GABRG3: variants seen among roughly 807,000 people sequenced by gnomAD.
The protein encoded by GABRG3 is gamma-aminobutyric acid type A receptor subunit gamma3, also known as gamma-aminobutyric acid receptor subunit gamma-3.
A neutral mutation model predicts 48.8 loss-of-function variants in GABRG3; 25 were observed. The ratio of observed to expected loss-of-function variants is 0.51; its 90% CI spans 0.37 to 0.72. GABRG3 has a LOEUF of 0.72. GABRG3 is among the 30% of genes least tolerant of loss of function. The pLI is 0.00. For synonymous variants in GABRG3, 227 were observed against 217.6 expected (o/e 1.04, Z -0.38); for missense variants, 394 against 577.9 (o/e 0.68, Z 3.26).
At chr15:27,021,656 C>T (rs973557294) in intron 2 of GABRG3, among the ~76,000 whole-genome samples, 7 of 152,104 alleles carry the variant, frequency 4.6e-5, no homozygotes, top group African/African-American at 1.7e-4. Flanking sequence ...GCCTGGGCAA[C>T]ATAGCGAGAC....
intron 3 of GABRG3, among the ~76,000 whole-genome samples, chr15:27,054,394 G>A (rs911592990): frequency 1.3e-5 from 2 of 152,074 alleles, no homozygotes; most frequent in South Asian, 4.1e-4. Context: ...AAACCTGCAC[G>A]TGTACCCCCT....
rs138160641 is a variant in GABRG3 at position 27,179,773 on chromosome 15, A to G, written c.271-147036A>G. Among the ~76,000 whole-genome samples the G allele has an allele frequency of 4.6e-5, 7 of 152,316 alleles. No homozygotes were observed. In the East Asian group the frequency reaches 1.4e-3, roughly 29 times the overall value. Reference sequence around the variant, plus strand: ...GAATGCTGTGGGAAAGATGGAAGCCAAAGATGCACCGGGTCTTTGGAAAAG... The same window carrying G: ...GAATGCTGTGGGAAAGATGGAAGCCGAAGATGCACCGGGTCTTTGGAAAAG... On this transcript the variant is annotated intron_variant, in intron 3 of 9. Transcript: ENST00000615808. This position sits in a 1 kb window ranked among gnomAD's most constrained non-coding sequence, Gnocchi z 4.0.
At chr15:27,354,733 A>G (rs913951436) in intron 5 of GABRG3, among the ~76,000 whole-genome samples, 2 of 152,210 alleles carry the variant, frequency 1.3e-5, no homozygotes, top group African/African-American at 2.4e-5. Flanking sequence ...ATGTGAGTGG[A>G]TATCTCACAT....
intron 3 of GABRG3, among the ~76,000 whole-genome samples, chr15:27,089,618 G>C (rs868724705): frequency 6.6e-6 from 1 of 152,204 alleles, no homozygotes; most frequent in African/African-American, 2.4e-5. Context: ...GGGTAGGCGG[G>C]GGAGAGAGGC....
intron 3 of GABRG3, among the ~76,000 whole-genome samples, chr15:27,189,507 A>T (rs570943835): frequency 1.3e-5 from 2 of 151,448 alleles, no homozygotes; most frequent in Admixed American, 6.6e-5. Context: ...ATGGGAGTTC[A>T]CTCATGATTT....
chr15:27,269,477 G>T (rs745502531), intron 3 of GABRG3, among the ~76,000 whole-genome samples: 4 of 152,066 alleles, frequency 2.6e-5, no homozygotes, highest in Non-Finnish European at 4.4e-5. Flanking sequence ...TCAAGCATCA[G>T]CTCAAAGTTG....
At chr15:27,210,863 G>A (rs1041668163) in intron 3 of GABRG3, among the ~76,000 whole-genome samples, 1 of 152,118 alleles carries the variant, frequency 6.6e-6, no homozygotes, top group Non-Finnish European at 1.5e-5. Flanking sequence ...TAGACCAGAA[G>A]GCCTGTTTCC....
chr15:27,506,853 G>T (rs778151438), intron 6 of GABRG3, among the ~76,000 whole-genome samples: 6 of 149,944 alleles, frequency 4.0e-5, no homozygotes, highest in South Asian at 2.1e-4. Flanking sequence ...CATTTCTCTG[G>T]TTTTTTTTCA....
In GABRG3 at chr15:27,307,003, C is replaced by CATATATAAT; in HGVS notation, c.271-19804_271-19803insATATAATAT. On this transcript the variant is annotated intron_variant, in intron 3 of 9. Coordinates refer to ENST00000615808, the MANE Select transcript of GABRG3 (RefSeq NM_033223.5). ...TAATATAAACATGTTTATATATAAA[C>CATATATAAT]ATGTATAAACATGTTTATATATAAA... Among the ~76,000 whole-genome samples the CATATATAAT allele has an allele frequency of 2.8e-5, 3 of 105,700 alleles. 1 individual carries two copies. The Admixed American group carries it at 3.0e-4, about 10-fold the overall frequency. The allele number at this position is 105,700 out of a possible 152,430, so 69.3% of individuals were successfully genotyped here.
At chr15:27,389,058 G>C in intron 5 of GABRG3, among the ~76,000 whole-genome samples, 1 of 152,188 alleles carries the variant, frequency 6.6e-6, no homozygotes, top group Non-Finnish European at 1.5e-5. Flanking sequence ...GAACAGAGCA[G>C]TCCCACAAAT....
At chr15:27,062,118 G>C (rs1896657241) in intron 3 of GABRG3, among the ~76,000 whole-genome samples, 1 of 152,134 alleles carries the variant, frequency 6.6e-6, no homozygotes, top group Non-Finnish European at 1.5e-5. Context: ...TGTCCCATGA[G>C]AGTGCCTGTG....
intron 2 of GABRG3, among the ~76,000 whole-genome samples, chr15:26,998,682 C>T (rs1895385835): frequency 6.6e-6 from 1 of 152,086 alleles, no homozygotes; most frequent in Non-Finnish European, 1.5e-5. Flanking sequence ...GGTGACCATC[C>T]CCTTCTAGAG....
At chr15:27,188,641 G>A (rs1300788942) in intron 3 of GABRG3, among the ~76,000 whole-genome samples, 1 of 151,738 alleles carries the variant, frequency 6.6e-6, no homozygotes, top group African/African-American at 2.4e-5. Flanking sequence ...TTTGTCAGAT[G>A]AGTAGGTTGT....
chr15:27,372,281 G>GT (rs1428713904), intron 5 of GABRG3, among the ~76,000 whole-genome samples: 1 of 152,062 alleles, frequency 6.6e-6, no homozygotes, highest in Non-Finnish European at 1.5e-5. Context: ...TTTTGCGTCT[G>GT]TTTTATCAGT....
At chr15:26,997,999 A>G (rs975467352) in intron 2 of GABRG3, among the ~76,000 whole-genome samples, 4 of 152,172 alleles carry the variant, frequency 2.6e-5, no homozygotes, top group Non-Finnish European at 4.4e-5. Flanking sequence ...GAGATTTACA[A>G]TCTTTATTGA....
chr15:27,062,838 ATAAAG>A (rs1423059675), intron 3 of GABRG3, among the ~76,000 whole-genome samples: 1 of 152,224 alleles, frequency 6.6e-6, no homozygotes, highest in Admixed American at 6.5e-5. Flanking sequence ...TGTTTAAAAG[ATAAAG>A]TAAATCCTAA....
intron 3 of GABRG3, among the ~76,000 whole-genome samples, chr15:27,152,795 G>A (rs1898341353): frequency 6.6e-6 from 1 of 151,944 alleles, no homozygotes; most frequent in Non-Finnish European, 1.5e-5. Flanking sequence ...GACACCAGTG[G>A]AGCATCCTAC....
intron 3 of GABRG3, among the ~76,000 whole-genome samples, chr15:27,244,354 A>G (rs1369070484): frequency 6.6e-6 from 1 of 152,186 alleles, no homozygotes; most frequent in Non-Finnish European, 1.5e-5. Context: ...AAGAAGGGGT[A>G]AAAAGGCAAC....
chr15:27,250,583 T>C (rs1282291521), intron 3 of GABRG3, among the ~76,000 whole-genome samples: 1 of 152,088 alleles, frequency 6.6e-6, no homozygotes, highest in African/African-American at 2.4e-5. Flanking sequence ...TGTGCCACCA[T>C]GCCCAGCTAA....
Sources: gnomAD v4.1 joint callset for allele counts (sites outside exome capture counted in the v4.1 genomes callset) on GRCh38, gnomAD v4.1.1 for gene constraint, Gnocchi (gnomAD v3.1) non-coding constraint, MANE v1.5 for transcripts, NCBI Gene and HGNC (gene_info 2026-07-23, HGNC 2026-07-21) for gene names.